The following COL18A1 variants were observed in gnomAD, a reference collection of about 807,000 sequenced individuals.
COL18A1 encodes the protein collagen alpha-1(XVIII) chain.
Under a neutral mutation model 168.0 loss-of-function variants are expected in COL18A1, and 133 were observed. The observed-to-expected ratio is 0.79, with a 90% CI of 0.69 to 0.91. The LOEUF is 0.91. COL18A1 is among the 40% of genes least tolerant of loss of function. The pLI, the probability that COL18A1 is intolerant of heterozygous loss-of-function variation, is 0.00. For synonymous variants in COL18A1, 949 were observed against 809.0 expected (o/e 1.17, Z -2.94); for missense variants, 2,126 against 1,925.4 (o/e 1.10, Z -1.95).
intron 32 of COL18A1, among the ~76,000 whole-genome samples, chr21:45,499,678 C>T (rs572236243): frequency 2.0e-5 from 3 of 152,340 alleles, no homozygotes; most frequent in Non-Finnish European, 4.4e-5. Flanking sequence ...TAGAGGTTCC[C>T]GTGGTCTCAG....
In COL18A1 at chr21:45,455,955, C is replaced by A; in HGVS notation, c.107-12287C>A. 6.2e-7 allele frequency: 1 copy of A among 1,613,084 alleles called. No individual in the cohort carries two copies. Among genetic ancestry groups the A allele is most frequent in the Non-Finnish European group, 8.5e-7 (1 of 1,180,012 alleles). On this transcript the variant is annotated intron_variant, in intron 2 of 41. Coordinates refer to ENST00000651438, the MANE Select transcript of COL18A1 (RefSeq NM_001379500.1). ...ACTGAGAGCTTGGCCAGGGCGGAAA[C>A]CCTGGTCCTGGAGACTCCTGTGGGC... is the stretch of plus-strand genomic sequence containing the variant.
chr21:45,496,532 C>G lies in COL18A1; in HGVS notation c.2541C>G (p.Pro847=). 6.5e-7 allele frequency: 1 copy of G among 1,531,046 alleles called. No individual in the cohort carries two copies. Among genetic ancestry groups the G allele is most frequent in the Non-Finnish European group, 9.0e-7 (1 of 1,105,266 alleles). 94.8% of individuals were successfully genotyped at this position (1,531,046 alleles called of 1,614,324 possible). The change falls in exon 30 of 42, where the codon CCC becomes CCG. Residue 847 remains proline (P), a synonymous_variant. Coordinates refer to ENST00000651438, the MANE Select transcript of COL18A1 (RefSeq NM_001379500.1). ...CCGGCCCCCCAGGACCTCCAGGGCC[C>G]CCAGGCCCTCCAGGGACTCCTGTTT... ...GMPGPPGPPG[P]PGPPGTPVYD...
At chr21:45,428,898 CT>C in intron 2 of COL18A1, among the ~76,000 whole-genome samples, 2 of 146,692 alleles carry the variant, frequency 1.4e-5, no homozygotes, top group Non-Finnish European at 3.0e-5. Context: ...TGCTTTCTTT[CT>C]TTTCTTTTTT....
At chr21:45,486,823 T>C in intron 15 of COL18A1, 38 bp from the exon 16 acceptor site, 1 of 1,526,012 alleles carries the variant, frequency 6.6e-7, no homozygotes, top group Non-Finnish European at 8.8e-7. Flanking sequence ...CAGCGGGGGC[T>C]GGGCTGGGTC....
At chr21:45,437,286 C>T (rs71324425) in intron 2 of COL18A1, among the ~76,000 whole-genome samples, 1 of 115,010 alleles carries the variant, frequency 8.7e-6, no homozygotes, top group Non-Finnish European at 1.7e-5. Context: ...AGGCACTCTC[C>T]TGCACACACA....
intron 5 of COL18A1, among the ~76,000 whole-genome samples, chr21:45,475,945 C>T (rs1683452843): frequency 6.6e-6 from 1 of 152,226 alleles, no homozygotes; most frequent in Non-Finnish European, 1.5e-5. Context: ...TTCCCCAGCT[C>T]GGGCCACCTG....
At chr21:45,407,181 C>T (rs1221004415) in intron 2 of COL18A1, among the ~76,000 whole-genome samples, 1 of 152,238 alleles carries the variant, frequency 6.6e-6, no homozygotes, top group Non-Finnish European at 1.5e-5. Context: ...GGAAAACAGT[C>T]GCCCCCTTTA....
chr21:45,501,734 AG>A, intron 32 of COL18A1, among the ~76,000 whole-genome samples: 1 of 124,636 alleles, frequency 8.0e-6, no homozygotes, highest in Non-Finnish European at 1.8e-5. Context: ...AAGGACCCCC[AG>A]GGGCTCCACA....
At chr21:45,504,146 GC>G in intron 33 of COL18A1, 92 bp downstream of exon 33, 3 of 1,440,752 alleles carry the variant, frequency 2.1e-6, no homozygotes, top group Non-Finnish European at 2.0e-6. Context: ...TCCGGCCCAA[GC>G]CCCCTTCCTG....
intron 13 of COL18A1, among the ~76,000 whole-genome samples, chr21:45,481,736 C>T (rs998478329): frequency 3.9e-5 from 6 of 152,362 alleles, no homozygotes; most frequent in South Asian, 4.1e-4. Context: ...ATCTTCCCGC[C>T]GTGGTGCTGT....
At position 45,509,529 on chromosome 21, in the gene COL18A1, C is replaced by T. The variant is rs2037445783; in HGVS notation, c.3423C>T (p.Ser1141=). ...PQPYPGAPHH[S]SYVHLRPARP... is the part of the protein sequence containing the mutation. ...CCTACCCCGGAGCCCCGCACCACAG[C>T]TCCTACGTGCACCTGCGGCCGGCGC... The change falls in exon 39 of 42, where the codon AGC becomes AGT. Residue 1141 remains serine, a synonymous_variant. Transcript: ENST00000651438. 2 of 1,537,146 alleles carry T rather than the reference C, an allele frequency of 1.3e-6. No homozygotes were observed. Among genetic ancestry groups the T allele is most frequent in the East Asian group, 2.4e-5 (1 of 41,778 alleles).
At chr21:45,467,425 C>T (rs1602453521) in intron 2 of COL18A1, 10 of 985,236 alleles carry the variant, frequency 1.0e-5, no homozygotes, top group Non-Finnish European at 1.1e-5. Context: ...TTGGCAGGTA[C>T]GTCAGGCATG....
chr21:45,456,885 A>T, intron 2 of COL18A1: 1 of 1,435,384 alleles, frequency 7.0e-7, no homozygotes, highest in Non-Finnish European at 9.1e-7. Flanking sequence ...GCTGCAGGTA[A>T]CTGGCCGGCC....
intron 2 of COL18A1, among the ~76,000 whole-genome samples, chr21:45,414,575 G>GCCGACTCTGC (rs1251814320): frequency 6.6e-6 from 1 of 152,096 alleles, no homozygotes; most frequent in Admixed American, 6.5e-5. Context: ...GGACCCTGCG[G>GCCGACTCTGC]CCGACTCTGC....
chr21:45,507,452 G>C (rs1167369491), intron 37 of COL18A1, 109 bp from the exon 38 acceptor site: 14 of 835,536 alleles, frequency 1.7e-5, no homozygotes, highest in Non-Finnish European at 2.5e-5. Context: ...ACCCTCCTGT[G>C]GGCTGGGAGG....
intron 2 of COL18A1, among the ~76,000 whole-genome samples, chr21:45,438,302 A>C (rs1333649494): frequency 8.4e-6 from 1 of 119,272 alleles, no homozygotes; most frequent in Non-Finnish European, 1.7e-5. Context: ...ACACACACAC[A>C]CTCAGACACA....
At chr21:45,406,547 G>A (rs562197068) in intron 2 of COL18A1, among the ~76,000 whole-genome samples, 182 of 152,284 alleles carry the variant, frequency 1.2e-3, no homozygotes, top group African/African-American at 4.3e-3. Context: ...AACTCTAGGG[G>A]GTGAAACACG....
Position 45,437,512 on chromosome 21 carries a change from G to GGA in COL18A1, c.107-30730_107-30729insGA, listed in dbSNP as rs1555972523. 1.6e-4 allele frequency among the ~76,000 whole-genome samples: 4 copies of GGA among 24,600 alleles called. 1 individual carries two copies. Among genetic ancestry groups the GGA allele is most frequent in the Non-Finnish European group, 2.8e-4 (4 of 14,184 alleles). 16.1% of individuals were successfully genotyped at this position (24,600 alleles called of 152,430 possible). A position where few individuals can be genotyped will look rare whatever the true frequency, so the allele number is the denominator to read the frequency against. ...CACACTCACACACAGGCACTCTCCTGCACACACACACTCAGACACACAGGC... is the reference window on the plus strand; with the variant it reads ...CACACTCACACACAGGCACTCTCCTGGACACACACACACTCAGACACACAGGC... On this transcript the variant is annotated intron_variant, in intron 2 of 41. Transcript: ENST00000651438.
At position 45,512,197 on chromosome 21, in the gene COL18A1, G is replaced by A; in HGVS notation, c.3819G>A (p.Lys1273=). Residue 1273 remains lysine (K), a synonymous_variant, in exon 42 of 42, where the codon AAG becomes AAA. Coordinates refer to ENST00000651438, the MANE Select transcript of COL18A1 (RefSeq NM_001379500.1). ...DVLRHPTWPQ[K]SVWHGSDPNG... is the part of the protein sequence containing the mutation. Reference sequence around the variant, plus strand: ...CCGGCGCGTCTTACAGGCCCCAGAAGAGCGTGTGGCATGGCTCGGACCCCA... The same window carrying A: ...CCGGCGCGTCTTACAGGCCCCAGAAAAGCGTGTGGCATGGCTCGGACCCCA... 6.2e-7 allele frequency: 1 copy of A among 1,612,334 alleles called. No homozygotes were observed. Among genetic ancestry groups the A allele is most frequent in the Non-Finnish European group, 8.5e-7 (1 of 1,179,636 alleles).
Sources: gnomAD v4.1 joint callset for allele counts (sites outside exome capture counted in the v4.1 genomes callset) on GRCh38, gnomAD v4.1.1 for gene constraint, MANE v1.5 for transcripts, NCBI Gene and HGNC (gene_info 2026-07-23, HGNC 2026-07-21) for gene names.